PLA2G6: variants seen among roughly 807,000 people sequenced by gnomAD.
The protein encoded by PLA2G6 is 85/88 kDa calcium-independent phospholipase A2.
Under a neutral mutation model 83.8 loss-of-function variants are expected in PLA2G6, and 62 were observed. That is an observed-to-expected ratio of 0.74 (90% CI 0.60 to 0.91). PLA2G6 has a LOEUF of 0.91. Among genes scored for constraint, PLA2G6 ranks in the 40% least tolerant of loss-of-function variants. PLA2G6 has a pLI of 0.00. For synonymous variants in PLA2G6, 417 were observed against 449.8 expected (o/e 0.93, Z 0.92); for missense variants, 944 against 1,102.0 (o/e 0.86, Z 2.03).
At chr22:38,179,134 G>C (rs776712960) in intron 1 of PLA2G6, among the ~76,000 whole-genome samples, 4 of 152,122 alleles carry the variant, frequency 2.6e-5, no homozygotes, top group Non-Finnish European at 5.9e-5. Flanking sequence ...AGAGATGAAA[G>C]TCATATGAAT....
At chr22:38,176,292 C>T (rs1160481741) in intron 1 of PLA2G6, among the ~76,000 whole-genome samples, 2 of 152,148 alleles carry the variant, frequency 1.3e-5, no homozygotes, top group Non-Finnish European at 2.9e-5. Flanking sequence ...AAGCCGAGAG[C>T]AGAGGAGCCG....
At chr22:38,167,259 T>C (rs1415761128) in intron 2 of PLA2G6, among the ~76,000 whole-genome samples, 1 of 149,950 alleles carries the variant, frequency 6.7e-6, no homozygotes, top group African/African-American at 2.4e-5. Flanking sequence ...CAAAAAATCC[T>C]GTAAACTATA....
chr22:38,141,635 G>C (rs998054598), intron 4 of PLA2G6: 1 of 152,176 alleles, frequency 6.6e-6, no homozygotes, highest in Non-Finnish European at 1.5e-5. Flanking sequence ...GAGGAAAGGG[G>C]AATAATGACC....
intron 3 of PLA2G6, 72 bp downstream of exon 3, chr22:38,145,366 G>T: frequency 7.8e-7 from 1 of 1,278,822 alleles, no homozygotes; most frequent in Non-Finnish European, 1.1e-6. Flanking sequence ...GGGGAACCGA[G>T]GCCTGCGGCC....
chr22:38,120,800 C>A lies in PLA2G6; in HGVS notation c.1701G>T (p.Glu567Asp). Reference protein sequence around the residue: ...SGPLEEFLKREFGEHTKMTDV... With the variant: ...SGPLEEFLKRDFGEHTKMTDV... ...CCGTCATCTTGGTGTGCTCCCCAAA[C>A]TCCCGCTTCAGGAACTCCTCCAGGG... is the stretch of plus-strand genomic sequence containing the variant. The change falls in exon 12 of 17, where the codon GAG (glutamate) becomes GAT (aspartate). Residue 567 changes from glutamate (E) to aspartate (D), a missense_variant. Transcript: ENST00000332509. 2 of 1,613,938 alleles carry A rather than the reference C, an allele frequency of 1.2e-6. No individual in the cohort carries two copies. Among genetic ancestry groups the A allele is most frequent in the South Asian group, 2.2e-5 (2 of 91,090 alleles).
intron 2 of PLA2G6, among the ~76,000 whole-genome samples, chr22:38,159,058 G>A (rs2089906546): frequency 6.6e-6 from 1 of 152,124 alleles, no homozygotes; most frequent in African/African-American, 2.4e-5. Flanking sequence ...AATTAGCCGG[G>A]TGTGGTGGTG....
chr22:38,126,321 C>T (rs1487706538), intron 10 of PLA2G6, 50 bp downstream of exon 10: 1 of 1,395,488 alleles, frequency 7.2e-7, no homozygotes, highest in Non-Finnish European at 1.0e-6. Context: ...GGGTGAGGGG[C>T]AGGAAAGCGC....
intron 12 of PLA2G6, 136 bp from the exon 13 acceptor site, chr22:38,116,347 C>G (rs2087195719): frequency 2.1e-6 from 2 of 938,116 alleles, no homozygotes; most frequent in Non-Finnish European, 3.4e-6. Flanking sequence ...GGGCTTCTCC[C>G]CGCACCATCC....
At chr22:38,177,319 G>T (rs574701555) in intron 1 of PLA2G6, among the ~76,000 whole-genome samples, 8 of 152,104 alleles carry the variant, frequency 5.3e-5, no homozygotes, top group African/African-American at 1.9e-4. Flanking sequence ...TGTTCCCTCT[G>T]ACCCCAGCTC....
intron 1 of PLA2G6, among the ~76,000 whole-genome samples, chr22:38,174,331 G>A (rs1030816998): frequency 1.1e-4 from 16 of 152,108 alleles, no homozygotes; most frequent in Non-Finnish European, 2.4e-4. Flanking sequence ...CCGGGAGGCG[G>A]AGCTTGCAGT....
intron 2 of PLA2G6, among the ~76,000 whole-genome samples, chr22:38,155,705 G>A (rs2089751359): frequency 6.6e-6 from 1 of 152,038 alleles, no homozygotes; most frequent in Admixed American, 6.6e-5. Flanking sequence ...TAAAAAGCAA[G>A]AAATTAAAAC....
Position 38,128,619 on chromosome 22 carries a change from G to A in PLA2G6, c.1187-189C>T, listed in dbSNP as rs560676943. 4.6e-5 allele frequency among the ~76,000 whole-genome samples: 7 copies of A among 152,312 alleles called. No homozygotes were observed. The South Asian group carries it at 1.5e-3, about 32-fold the overall frequency. ...CCCCCAGGCTGGTACATCCCAAGCAGCTTCCTAAGGCCAGGGAAGGAGGAT... is the reference window on the plus strand; with the variant it reads ...CCCCCAGGCTGGTACATCCCAAGCAACTTCCTAAGGCCAGGGAAGGAGGAT... On this transcript the variant is annotated intron_variant, in intron 8 of 16. Coordinates refer to ENST00000332509, the MANE Select transcript of PLA2G6 (RefSeq NM_003560.4). This position sits in a 1 kb window ranked among gnomAD's most constrained non-coding sequence, Gnocchi z 4.4.
intron 2 of PLA2G6, chr22:38,149,800 C>A (rs994876494): frequency 6.6e-6 from 1 of 151,938 alleles, no homozygotes; most frequent in African/African-American, 2.4e-5. Flanking sequence ...CCGGGCGTGG[C>A]GGTGGGTGCC....
At chr22:38,152,046 C>T (rs1436638654) in intron 2 of PLA2G6, among the ~76,000 whole-genome samples, 2 of 152,068 alleles carry the variant, frequency 1.3e-5, no homozygotes, top group Non-Finnish European at 2.9e-5. Context: ...ATTTCTGCCC[C>T]CCAAACCTCA....
intron 1 of PLA2G6, among the ~76,000 whole-genome samples, chr22:38,176,516 A>G (rs1463831018): frequency 6.6e-6 from 1 of 152,100 alleles, no homozygotes; most frequent in Non-Finnish European, 1.5e-5. Context: ...CAGCAGTGAC[A>G]CCCTCCTGAG....
rs1316302437 is a variant in PLA2G6, at chr22:38,112,592, C to A, written c.2203-15G>T. Reference sequence around the variant, plus strand: ...GGATCCGTGCACTGGTGAGAAGCAGCCTTGGTGAGTGCCGGGCCCACACCC... The same window carrying A: ...GGATCCGTGCACTGGTGAGAAGCAGACTTGGTGAGTGCCGGGCCCACACCC... On this transcript the variant is annotated splice_polypyrimidine_tract_variant and intron_variant, in intron 15 of 16. Coordinates refer to ENST00000332509, the MANE Select transcript of PLA2G6 (RefSeq NM_003560.4). The A allele has an allele frequency of 3.2e-6, 5 of 1,548,012 alleles. No homozygotes were observed. Among genetic ancestry groups the A allele is most frequent in the African/African-American group, 1.4e-5 (1 of 73,098 alleles).
At position 38,112,530 on chromosome 22, in the gene PLA2G6, G is replaced by A. The variant is rs779749576; in HGVS notation, c.2250C>T (p.Cys750=). 2.2e-5 allele frequency: 34 copies of A among 1,555,662 alleles called. No homozygotes were observed. The highest frequency in any genetic ancestry group is 7.3e-5 in the East Asian group (3 of 41,132). ...TGAAGTACTGGATGCCGACCATCTC[G>A]CACCAGGCCCGTGCCCGGTCCACAG... ...GRAVDRARAW[C]EMVGIQYFRL... The change falls in exon 16 of 17, where the codon TGC becomes TGT. Residue 750 remains cysteine (C), a synonymous_variant. Coordinates refer to ENST00000332509, the MANE Select transcript of PLA2G6 (RefSeq NM_003560.4).
chr22:38,159,886 T>G, intron 2 of PLA2G6, among the ~76,000 whole-genome samples: 1 of 152,126 alleles, frequency 6.6e-6, no homozygotes, highest in East Asian at 1.9e-4. Flanking sequence ...CAAATTTGAC[T>G]TCATTAAAAC....
intron 4 of PLA2G6, 41 bp downstream of exon 4, chr22:38,143,064 G>A (rs749444828): frequency 2.5e-6 from 4 of 1,583,340 alleles, no homozygotes; most frequent in Non-Finnish European, 2.6e-6. Context: ...TGGACACCGG[G>A]AGGTATCAGT....
Sources: allele counts gnomAD v4.1 joint callset (sites outside exome capture counted in the v4.1 genomes callset), GRCh38; gene constraint gnomAD v4.1.1; non-coding constraint Gnocchi (gnomAD v3.1); transcripts MANE v1.5; gene names NCBI Gene and HGNC (gene_info 2026-07-23, HGNC 2026-07-21).